Variants in MTTP observed in about 807,000 individuals in gnomAD.
MTTP encodes microsomal triglyceride transfer protein large subunit.
Under a neutral mutation model 90.6 loss-of-function variants are expected in MTTP, and 49 were observed. That is an observed-to-expected ratio of 0.54 (90% CI 0.43 to 0.69). The LOEUF (loss-of-function observed/expected upper bound fraction) is 0.69. Among genes scored for constraint, MTTP ranks in the 30% least tolerant of loss-of-function variants. The pLI, the probability that MTTP is intolerant of heterozygous loss-of-function variation, is 0.00. For synonymous variants in MTTP, 347 were observed against 384.2 expected, an observed-to-expected ratio of 0.90 and a Z score of 1.13; for missense variants, 945 against 1,067.5, an observed-to-expected ratio of 0.89 and a Z score of 1.60.
At chr4:99,586,233 A>G (rs954978693) in intron 3 of MTTP, among the ~76,000 whole-genome samples, 4 of 152,172 alleles carry the variant, frequency 2.6e-5, no homozygotes, top group African/African-American at 4.8e-5. Flanking sequence ...TCTTCCCTAC[A>G]TAAGTGGGCA....
intron 1 of MTTP, among the ~76,000 whole-genome samples, chr4:99,567,020 AC>A (rs1325185793): frequency 1.3e-5 from 2 of 152,154 alleles, no homozygotes; most frequent in African/African-American, 4.8e-5. Flanking sequence ...CCAAAAAGAA[AC>A]CCATTTTTAA....
chr4:99,622,937 G>A lies in MTTP; in HGVS notation c.*89G>A, dbSNP rs966073163. 3.7e-5 allele frequency: 53 copies of A among 1,414,668 alleles called. No individual in the cohort carries two copies. The highest frequency in any genetic ancestry group is 2.0e-4 in the East Asian group (9 of 43,916). 87.6% of individuals were successfully genotyped at this position (1,414,668 alleles called of 1,614,324 possible). On this transcript the variant is annotated 3_prime_UTR_variant, in exon 18 of 18. Coordinates refer to ENST00000265517, the MANE Select transcript of MTTP (RefSeq NM_001386140.1). ...AGTACTTGCTCTCTGAGAGCACAGCGTTTACATATTTACCTGTATTTAAGA... is the reference window on the plus strand; with the variant it reads ...AGTACTTGCTCTCTGAGAGCACAGCATTTACATATTTACCTGTATTTAAGA...
At position 99,591,293 on chromosome 4, in the gene MTTP, A is replaced by G; in HGVS notation, c.560A>G (p.Lys187Arg). 6.2e-7 allele frequency: 1 copy of G among 1,614,088 alleles called. No individual in the cohort carries two copies. Among genetic ancestry groups the G allele is most frequent in the Non-Finnish European group, 8.5e-7 (1 of 1,179,950 alleles). ...TYQAHQDKVI[K>R]IKALDSCKIA... ...CAGGCTCATCAAGACAAAGTGATCA[A>G]AATTAAGGCCTTGGATTCATGCAAA... Residue 187 changes from lysine (K) to arginine (R), a missense_variant, in exon 5 of 18, where the codon AAA (lysine) becomes AGA (arginine). Physicochemically the swap from Lys to Arg is conservative, Grantham distance 26. Transcript: ENST00000265517.
chr4:99,611,041 G>A (rs1725935585), intron 12 of MTTP, 102 bp from the exon 13 acceptor site: 1 of 1,245,152 alleles, frequency 8.0e-7, no homozygotes, highest in African/African-American at 1.5e-5. Flanking sequence ...AGGAAAATTT[G>A]GCTTCCTCTT....
At chr4:99,591,811 T>G in intron 6 of MTTP, 21 bp downstream of exon 6, 1 of 1,581,430 alleles carries the variant, frequency 6.3e-7, no homozygotes, top group Non-Finnish European at 8.7e-7. Context: ...GCTAAAATTT[T>G]TATTTTCTTT....
At chr4:99,607,500 G>A (rs980384479) in intron 11 of MTTP, among the ~76,000 whole-genome samples, 2 of 152,194 alleles carry the variant, frequency 1.3e-5, no homozygotes, top group African/African-American at 4.8e-5. Flanking sequence ...ACAGACCTAC[G>A]TATAAACTCT....
chr4:99,576,422 G>C (rs558156026), intron 1 of MTTP, among the ~76,000 whole-genome samples: 1 of 152,258 alleles, frequency 6.6e-6, no homozygotes, highest in African/African-American at 2.4e-5. Flanking sequence ...AAGGCCGGGC[G>C]TGGTGGCTCA....
At chr4:99,578,778 A>G (rs1019940720) in intron 1 of MTTP, among the ~76,000 whole-genome samples, 1 of 152,222 alleles carries the variant, frequency 6.6e-6, no homozygotes, top group Non-Finnish European at 1.5e-5. Flanking sequence ...TTTAAACATC[A>G]AATCTGCATT....
At chr4:99,574,810 T>C, upstream of MTTP, 1 of 1,611,958 alleles carries the variant, frequency 6.2e-7, no homozygotes, top group Non-Finnish European at 8.5e-7. Flanking sequence ...TTGTTGCAGG[T>C]TCTGAAGAGG....
upstream of MTTP, among the ~76,000 whole-genome samples, chr4:99,573,558 GAACA>G (rs998989971): frequency 6.6e-6 from 1 of 151,998 alleles, no homozygotes; most frequent in Non-Finnish European, 1.5e-5. Context: ...CCCAATAGAA[GAACA>G]AACAATTTTC....
chr4:99,602,641 G>C (rs938165626), intron 10 of MTTP, among the ~76,000 whole-genome samples: 5 of 151,960 alleles, frequency 3.3e-5, no homozygotes, highest in African/African-American at 9.7e-5. Flanking sequence ...TACTGAAAAG[G>C]CTTGGGTATT....
chr4:99,572,758 G>A (rs1453695836), upstream of MTTP, among the ~76,000 whole-genome samples: 1 of 152,028 alleles, frequency 6.6e-6, no homozygotes, highest in East Asian at 1.9e-4. Context: ...AGTAACAGAA[G>A]AGCATACTTC....
intron 2 of MTTP, among the ~76,000 whole-genome samples, chr4:99,582,653 A>AAT (rs1725148681): frequency 6.6e-6 from 1 of 152,162 alleles, no homozygotes; most frequent in Admixed American, 6.5e-5. Flanking sequence ...TTCCAATTGT[A>AAT]ATATATGGTG....
intron 1 of MTTP, among the ~76,000 whole-genome samples, chr4:99,569,102 G>T (rs1292437240): frequency 6.6e-6 from 1 of 152,090 alleles, no homozygotes; most frequent in Non-Finnish European, 1.5e-5. Context: ...GCTGAGCCAG[G>T]TGATCAAAGT....
chr4:99,564,516 T>C (rs1425963990), intron 1 of MTTP: 6 of 351,054 alleles, frequency 1.7e-5, no homozygotes, highest in Non-Finnish European at 3.1e-5. Context: ...CTTTACTCTT[T>C]ATTCATTCCT....
At chr4:99,608,199 C>T (rs1442522553) in intron 11 of MTTP, among the ~76,000 whole-genome samples, 2 of 152,162 alleles carry the variant, frequency 1.3e-5, no homozygotes, top group Non-Finnish European at 2.9e-5. Flanking sequence ...GTAATCCCAA[C>T]ACTTTGGAAG....
Position 99,621,054 on chromosome 4 carries a change from T to C in MTTP, c.2343-7T>C, listed in dbSNP as rs752677190. ...ACAAGTTTTTTCTTTTTTTCTCAAA[T>C]GTTTAGGGTGACTGTGGTAATAACC... On this transcript the variant is annotated splice_polypyrimidine_tract_variant and splice_region_variant and intron_variant, in intron 16 of 17. Coordinates refer to ENST00000265517, the MANE Select transcript of MTTP (RefSeq NM_001386140.1). The C allele has an allele frequency of 4.3e-6, 7 of 1,613,676 alleles. No homozygotes were observed. The highest frequency in any genetic ancestry group is 1.3e-5 in the African/African-American group (1 of 74,896).
intron 17 of MTTP, among the ~76,000 whole-genome samples, chr4:99,622,439 T>C (rs1213289816): frequency 6.6e-6 from 1 of 152,208 alleles, no homozygotes; most frequent in Non-Finnish European, 1.5e-5. Flanking sequence ...GAATTTAGTC[T>C]TTCATTCTAG....
intron 1 of MTTP, 24 bp from the exon 2 acceptor site, chr4:99,581,881 A>G (rs1725124249): frequency 5.6e-6 from 9 of 1,612,390 alleles, no homozygotes; most frequent in Non-Finnish European, 7.6e-6. Flanking sequence ...TGAAAACTGG[A>G]TATGTGTCAT....
Sources: allele counts gnomAD v4.1 joint callset (sites outside exome capture counted in the v4.1 genomes callset), GRCh38; gene constraint gnomAD v4.1.1; transcripts MANE v1.5; gene names NCBI Gene and HGNC (gene_info 2026-07-23, HGNC 2026-07-21).